TBC1D14: variants seen among roughly 807,000 people sequenced by gnomAD.
TBC1D14 encodes TBC1 domain family, member 14.
TBC1D14 carries 26 observed loss-of-function variants against 79.0 expected under a neutral mutation model. The ratio of observed to expected loss-of-function variants is 0.33; its 90% CI spans 0.24 to 0.46. TBC1D14 has a LOEUF of 0.46. Among genes scored for constraint, TBC1D14 ranks in the 20% least tolerant of loss-of-function variants. TBC1D14 has a pLI of 1.00. For missense variants in TBC1D14, 769 were observed against 887.6 expected (o/e 0.87, Z 1.70); for synonymous variants, 394 against 349.9 (o/e 1.13, Z -1.40).
At position 6,923,790 on chromosome 4, in the gene TBC1D14, G is replaced by A. The variant is rs1577464071; in HGVS notation, c.401G>A (p.Gly134Asp). The change falls in exon 2 of 14, where the codon GGC becomes GAC. Residue 134 changes from glycine (G) to aspartate (D), a missense_variant. This residue lies in a region of TBC1D14 where 402 missense variants were observed against 393.2 expected (regional missense o/e 1.02). Transcript: ENST00000409757. The part of the protein sequence containing the change: ...VRKSSTFPRT[G>D]YDSVKLYSPT... Reference sequence around the variant, plus strand: ...AAATCCTCCACGTTTCCCAGGACAGGCTATGACTCGGTAAAGCTCTATAGC... The same window carrying A: ...AAATCCTCCACGTTTCCCAGGACAGACTATGACTCGGTAAAGCTCTATAGC... 1.2e-6 allele frequency: 2 copies of A among 1,614,122 alleles called. No individual in the cohort carries two copies. The highest frequency in any genetic ancestry group is 2.7e-5 in the African/African-American group (2 of 75,070).
chr4:7,014,415 A>G (rs1203085622), intron 11 of TBC1D14, 33 bp from the exon 12 acceptor site: 5 of 1,435,612 alleles, frequency 3.5e-6, no homozygotes. Flanking sequence ...TTGTGCAGAT[A>G]GTTTCTGAGT....
chr4:6,924,408 C>CT (rs1463483027), intron 2 of TBC1D14, among the ~76,000 whole-genome samples: 1 of 152,206 alleles, frequency 6.6e-6, no homozygotes, highest in Non-Finnish European at 1.5e-5. Flanking sequence ...GCCTGAGCCT[C>CT]TGCGGGGCCC....
intron 2 of TBC1D14, 38 bp from the exon 3 acceptor site, chr4:6,967,266 C>T (rs1409459060): frequency 1.2e-6 from 2 of 1,605,862 alleles, no homozygotes; most frequent in South Asian, 2.2e-5. Context: ...TCTTGAATTA[C>T]CCAGAAATGC....
At chr4:6,909,639 G>C (rs997722187), upstream of TBC1D14, 1 of 151,782 alleles carries the variant, frequency 6.6e-6, no homozygotes, top group Admixed American at 6.6e-5. Context: ...GGCCCGCGGC[G>C]GGCGGCCCCC....
chr4:6,994,004 C>T (rs1391330721), intron 3 of TBC1D14, among the ~76,000 whole-genome samples, 180 bp from the exon 4 acceptor site: 1 of 152,132 alleles, frequency 6.6e-6, no homozygotes, highest in Non-Finnish European at 1.5e-5. Flanking sequence ...AGCGAGACTC[C>T]ATCTCCAGAA....
At chr4:6,948,405 T>A (rs1057012412) in intron 2 of TBC1D14, among the ~76,000 whole-genome samples, 1 of 152,182 alleles carries the variant, frequency 6.6e-6, no homozygotes, top group African/African-American at 2.4e-5. Flanking sequence ...CCTGGGAGGT[T>A]TTGCATAGCA....
At chr4:6,929,721 A>C (rs1711551484) in intron 2 of TBC1D14, among the ~76,000 whole-genome samples, 1 of 152,224 alleles carries the variant, frequency 6.6e-6, no homozygotes, top group South Asian at 2.1e-4. Context: ...AGACTGCATA[A>C]GATGAAAGTC....
At chr4:6,948,923 C>T (rs1032102338) in intron 2 of TBC1D14, among the ~76,000 whole-genome samples, 7 of 151,736 alleles carry the variant, frequency 4.6e-5, no homozygotes, top group Non-Finnish European at 5.9e-5. Context: ...CCTGGCCGGG[C>T]GTGGTGGCTT....
intron 2 of TBC1D14, among the ~76,000 whole-genome samples, chr4:6,938,885 G>C (rs1231922822): frequency 5.3e-5 from 8 of 152,214 alleles, no homozygotes; most frequent in African/African-American, 1.9e-4. Flanking sequence ...TTCCTCCCCT[G>C]CAGCCGCACT....
At chr4:6,985,184 C>T (rs1341543243) in intron 3 of TBC1D14, among the ~76,000 whole-genome samples, 3 of 152,164 alleles carry the variant, frequency 2.0e-5, no homozygotes, top group African/African-American at 7.2e-5. Context: ...AGAGTAAAGA[C>T]ATTCTCCTAC....
At chr4:7,003,097 T>A (rs1026541327) in intron 7 of TBC1D14, among the ~76,000 whole-genome samples, 2 of 152,134 alleles carry the variant, frequency 1.3e-5, no homozygotes, top group Admixed American at 6.5e-5. Flanking sequence ...TATTAAAACT[T>A]CAGTTTTAGG....
At chr4:6,973,238 A>C (rs1175272553) in intron 3 of TBC1D14, among the ~76,000 whole-genome samples, 1 of 152,102 alleles carries the variant, frequency 6.6e-6, no homozygotes, top group Non-Finnish European at 1.5e-5. Flanking sequence ...TCCCAGAAGA[A>C]GGCAGATCCA....
intron 3 of TBC1D14, among the ~76,000 whole-genome samples, chr4:6,973,491 A>C (rs1451267642): frequency 6.6e-6 from 1 of 152,220 alleles, no homozygotes. Context: ...TAGACGGAAT[A>C]AGCACATTCC....
At chr4:6,915,926 C>G (rs1174192033) in intron 1 of TBC1D14, among the ~76,000 whole-genome samples, 1 of 150,882 alleles carries the variant, frequency 6.6e-6, no homozygotes, top group Non-Finnish European at 1.5e-5. Context: ...ACCAGTCTGG[C>G]CAACATGGTG....
At chr4:7,024,796 C>T (rs1466052883) in intron 12 of TBC1D14, among the ~76,000 whole-genome samples, 1 of 152,194 alleles carries the variant, frequency 6.6e-6, no homozygotes, top group Non-Finnish European at 1.5e-5. Context: ...AAGCTGTGTG[C>T]TGCATGATTC....
chr4:7,006,767 T>A (rs1247835435), intron 9 of TBC1D14, 41 bp downstream of exon 9: 1 of 1,573,516 alleles, frequency 6.4e-7, no homozygotes, highest in South Asian at 1.1e-5. Flanking sequence ...ATGTTTTGTC[T>A]AAAATTCATA....
intron 8 of TBC1D14, among the ~76,000 whole-genome samples, chr4:7,005,226 C>T (rs1720060665): frequency 6.6e-6 from 1 of 151,948 alleles, no homozygotes; most frequent in Admixed American, 6.6e-5. Context: ...ATGGTGAAAC[C>T]CTGTCTCTAC....
intron 12 of TBC1D14, among the ~76,000 whole-genome samples, chr4:7,022,534 G>C (rs1721931392): frequency 6.6e-6 from 1 of 152,238 alleles, no homozygotes; most frequent in African/African-American, 2.4e-5. Context: ...GTGACACACA[G>C]CATGTGGGAA....
chr4:6,961,651 C>CT (rs920932479), intron 2 of TBC1D14, among the ~76,000 whole-genome samples: 2 of 152,136 alleles, frequency 1.3e-5, no homozygotes, highest in African/African-American at 4.8e-5. Flanking sequence ...GGTGCAAGTC[C>CT]TTGGCAGGAT....
Sources: gnomAD v4.1 joint callset for allele counts (sites outside exome capture counted in the v4.1 genomes callset) on GRCh38, gnomAD v4.1.1 for gene constraint, gnomAD v4.1.1 regional missense constraint, MANE v1.5 for transcripts, NCBI Gene and HGNC (gene_info 2026-07-23, HGNC 2026-07-21) for gene names.